The following POLR1A variants were observed in gnomAD, a reference collection of about 807,000 sequenced individuals.
POLR1A encodes RNA polymerase I subunit A, also known as DNA-directed RNA polymerase I subunit RPA1.
In POLR1A, 84 loss-of-function variants were observed where a neutral mutation model predicts 205.3. That is an observed-to-expected ratio of 0.41 (90% confidence interval 0.34 to 0.49). The LOEUF (loss-of-function observed/expected upper bound fraction) is 0.49. Ranked by LOEUF, POLR1A falls within the 20% of genes least tolerant of loss-of-function variation. The probability of loss-of-function intolerance (pLI) is 0.22; values close to 1 mark genes in which losing one functional copy is unlikely to be tolerated. For missense variants in POLR1A, 1,645 were observed against 2,204.5 expected, an observed-to-expected ratio of 0.75 and a Z score of 5.08; for synonymous variants, 799 against 863.7, an observed-to-expected ratio of 0.93 and a Z score of 1.31.
At chr2:86,035,347 AAGAGGGGG>A (rs1672475971) in intron 27 of POLR1A, among the ~76,000 whole-genome samples, 1 of 152,208 alleles carries the variant, frequency 6.6e-6, no homozygotes, top group Non-Finnish European at 1.5e-5. Context: ...TCCCACTGGA[AAGAGGGGG>A]TGGGAGAGAT....
Position 86,083,261 on chromosome 2 carries a change from A to G in POLR1A, c.731-93T>C, listed in dbSNP as rs114587363. 2.8e-3 allele frequency: 2,402 copies of G among 868,218 alleles called. 35 individuals carry two copies. The African/African-American group carries it at 0.032, about 12-fold the overall frequency. The allele number at this position is 868,218 out of a possible 1,614,324, so 53.8% of individuals were successfully genotyped here. On this transcript the variant is annotated intron_variant, in intron 6 of 33. Transcript: ENST00000263857. ...ATCAATTCTTTATCCCCAAGCCTGCAACTTGACCACAAAAATCAATCTCAA... is the reference window on the plus strand; with the variant it reads ...ATCAATTCTTTATCCCCAAGCCTGCGACTTGACCACAAAAATCAATCTCAA...
At chr2:86,067,388 C>T (rs1042133633) in intron 13 of POLR1A, among the ~76,000 whole-genome samples, 2 of 152,092 alleles carry the variant, frequency 1.3e-5, no homozygotes, top group Non-Finnish European at 2.9e-5. Flanking sequence ...TATCTGAAGC[C>T]TTGCTTAAAA....
intron 14 of POLR1A, 78 bp downstream of exon 14, chr2:86,065,196 C>G: frequency 7.8e-7 from 1 of 1,284,818 alleles, no homozygotes; most frequent in Non-Finnish European, 1.1e-6. Flanking sequence ...CTGGTCTGGA[C>G]TCTTCTGAGA....
In POLR1A at chr2:86,105,868, C is replaced by T. The variant is rs1167743372; in HGVS notation, c.-92G>A. ...TTCAACCTCAAGCCCGGAGTCACCA[C>T]GCGATTCAACGTGCGCTTGCGCGCG... is the stretch of plus-strand genomic sequence containing the variant. On this transcript the variant is annotated 5_prime_UTR_variant, in exon 1 of 34. In the 5' UTR this introduces an upstream ATG that the reference lacks. Transcript: ENST00000263857. 8.5e-7 allele frequency: 1 copy of T among 1,170,966 alleles called. No homozygotes were observed. Among genetic ancestry groups the T allele is most frequent in the Non-Finnish European group, 1.3e-6 (1 of 799,608 alleles). 72.5% of individuals were successfully genotyped at this position (1,170,966 alleles called of 1,614,324 possible).
At chr2:86,069,897 C>A (rs1379210054) in intron 13 of POLR1A, 121 bp downstream of exon 13, 5 of 1,085,572 alleles carry the variant, frequency 4.6e-6, no homozygotes, top group Non-Finnish European at 6.4e-6. Context: ...AACCAGGACC[C>A]TCCATTCCAG....
chr2:86,096,762 C>T (rs1330197418), intron 3 of POLR1A, among the ~76,000 whole-genome samples: 1 of 152,078 alleles, frequency 6.6e-6, no homozygotes, highest in Non-Finnish European at 1.5e-5. Context: ...CTCCCCTCTA[C>T]AAAAGTCAAC....
intron 9 of POLR1A, among the ~76,000 whole-genome samples, chr2:86,080,550 A>G (rs1018556768): frequency 6.6e-6 from 1 of 152,194 alleles, no homozygotes; most frequent in Non-Finnish European, 1.5e-5. Flanking sequence ...AGACACTAGT[A>G]TAAGGAAGTG....
intron 11 of POLR1A, among the ~76,000 whole-genome samples, 162 bp from the exon 12 acceptor site, chr2:86,075,422 C>T (rs78831017): frequency 0.011 from 1,607 of 152,326 alleles, 12 homozygotes; most frequent in Non-Finnish European, 0.017. Flanking sequence ...TCCTGCCTGT[C>T]TTCTGCTACT....
In POLR1A at chr2:86,066,501, C is replaced by T. The variant is rs3821019; in HGVS notation, c.1867-1036G>A. ...AAGTAAAAATAGCTATGCTCACTGA[C>T]GTTCTTTAAGATGTAGATTTTGTAA... On this transcript the variant is annotated intron_variant, in intron 13 of 33. Coordinates refer to ENST00000263857, the MANE Select transcript of POLR1A (RefSeq NM_015425.6). Among the ~76,000 whole-genome samples, 974 of 152,226 alleles carry T rather than the reference C, an allele frequency of 6.4e-3. 25 individuals carry two copies. In the East Asian group the frequency reaches 0.098, roughly 15 times the overall value.
chr2:86,076,968 G>A (rs1452351605), intron 11 of POLR1A, among the ~76,000 whole-genome samples: 1 of 152,214 alleles, frequency 6.6e-6, no homozygotes, highest in African/African-American at 2.4e-5. Flanking sequence ...AGTGGGTACA[G>A]GACTGGGCCT....
rs774970769 is a variant in POLR1A at position 86,081,609 on chromosome 2, C to T, written c.915G>A (p.Pro305=). The T allele has an allele frequency of 2.6e-5, 41 of 1,584,502 alleles. No individual in the cohort carries two copies. In the Admixed American group the frequency reaches 5.3e-4, roughly 21 times the overall value. Residue 305 remains proline, a synonymous_variant, in exon 8 of 34, where the codon CCG becomes CCA. Transcript: ENST00000263857. Reference sequence around the variant, plus strand: ...TAATTAAAGGGTATTACCTTGAGGGCGGCACCACCAAGAAATCTAGAAAGA... The same window carrying T: ...TAATTAAAGGGTATTACCTTGAGGGTGGCACCACCAAGAAATCTAGAAAGA... ...SVFFLDFLVV[P]PSRYRPVSRL...
chr2:86,086,470 C>T (rs1222312339), intron 6 of POLR1A, among the ~76,000 whole-genome samples: 1 of 152,250 alleles, frequency 6.6e-6, no homozygotes, highest in Admixed American at 6.5e-5. Flanking sequence ...ACATCACCTG[C>T]TCCCCAGGGT....
Position 86,047,251 on chromosome 2 carries a change from A to C in POLR1A, c.2647T>G (p.Phe883Val). The change falls in exon 19 of 34, where the codon TTT becomes GTT. Residue 883 changes from phenylalanine to valine, a missense_variant. Phe to Val is a conservative substitution (Grantham distance 50). Coordinates refer to ENST00000263857, the MANE Select transcript of POLR1A (RefSeq NM_015425.6). ...TCTGGGAACTGTCTGTGTAGGCCAA[A>C]AGGCATGCATGCCTGCAGATTAAAT... ...SNEINKACMP[F>V]GLHRQFPENS... 6.2e-7 allele frequency: 1 copy of C among 1,613,084 alleles called. No individual in the cohort carries two copies. The highest frequency in any genetic ancestry group is 8.5e-7 in the Non-Finnish European group (1 of 1,179,112).
At chr2:86,037,521 G>A (rs1332842594) in intron 27 of POLR1A, among the ~76,000 whole-genome samples, 2 of 152,272 alleles carry the variant, frequency 1.3e-5, no homozygotes, top group African/African-American at 4.8e-5. Context: ...ACTCAGCGAC[G>A]AATGGGCATG....
At chr2:86,036,087 A>C (rs1439542254) in intron 27 of POLR1A, among the ~76,000 whole-genome samples, 1 of 152,196 alleles carries the variant, frequency 6.6e-6, no homozygotes, top group East Asian at 1.9e-4. Flanking sequence ...GGGGCAGAGA[A>C]GCCTCCCGTC....
At chr2:86,075,344 C>A in intron 11 of POLR1A, 84 bp from the exon 12 acceptor site, 1 of 971,968 alleles carries the variant, frequency 1.0e-6, no homozygotes, top group South Asian at 1.5e-5. Context: ...AACAGGCTGT[C>A]TTTTCACCCA....
intron 33 of POLR1A, 69 bp downstream of exon 33, chr2:86,027,816 C>T (rs1256710047): frequency 2.6e-6 from 4 of 1,539,606 alleles, no homozygotes; most frequent in Non-Finnish European, 2.7e-6. Context: ...GGAAAGATGC[C>T]CATGGGTGAG....
At chr2:86,031,215 G>T in intron 30 of POLR1A, 115 bp downstream of exon 30, 2 of 1,413,082 alleles carry the variant, frequency 1.4e-6, no homozygotes, top group South Asian at 1.8e-5. Flanking sequence ...AGACCATGGG[G>T]AATGTTGGCT....
In POLR1A at chr2:86,024,045, G is replaced by C. The variant is rs1398388509; in HGVS notation, c.*3378C>G. On this transcript the variant is annotated 3_prime_UTR_variant, in exon 34 of 34. Coordinates refer to ENST00000263857, the MANE Select transcript of POLR1A (RefSeq NM_015425.6). Reference sequence around the variant, plus strand: ...ATTACAGGTGTGAACGCCTGGCCTGGCCTCAGATATCTGTATATCCATGTT... The same window carrying C: ...ATTACAGGTGTGAACGCCTGGCCTGCCCTCAGATATCTGTATATCCATGTT... 1 of 152,436 alleles carries C rather than the reference G, an allele frequency of 6.6e-6. No individual in the cohort carries two copies. The highest frequency in any genetic ancestry group is 1.5e-5 in the Non-Finnish European group (1 of 68,234). The allele number at this position is 152,436 out of a possible 1,614,324, so 9.4% of individuals were successfully genotyped here.
Sources: gnomAD v4.1 joint callset for allele counts (sites outside exome capture counted in the v4.1 genomes callset) on GRCh38, gnomAD v4.1.1 for gene constraint, MANE v1.5 for transcripts, NCBI Gene and HGNC (gene_info 2026-07-23, HGNC 2026-07-21) for gene names.